Variants in WASF3 observed in about 807,000 individuals in gnomAD.
WASF3 encodes the protein WASP family member 3.
A neutral mutation model predicts 46.6 loss-of-function variants in WASF3; 11 were observed. The observed-to-expected ratio is 0.24, with a 90% CI of 0.15 to 0.39. WASF3 has a LOEUF of 0.39. WASF3 is among the 10% of genes least tolerant of loss of function. The pLI is 1.00. For missense variants in WASF3, 576 were observed against 669.8 expected, an observed-to-expected ratio of 0.86 and a Z score of 1.55; for synonymous variants, 242 against 259.7, an observed-to-expected ratio of 0.93 and a Z score of 0.65.
intron 1 of WASF3, among the ~76,000 whole-genome samples, chr13:26,609,233 A>G (rs1023869293): frequency 1.3e-5 from 2 of 152,186 alleles, no homozygotes; most frequent in Non-Finnish European, 2.9e-5. Context: ...TAAAGGGCGT[A>G]TTACTAGGGA....
intron 2 of WASF3, among the ~76,000 whole-genome samples, chr13:26,614,876 C>T (rs114558397): frequency 0.012 from 1,877 of 151,978 alleles, 35 homozygotes; most frequent in African/African-American, 0.042. Flanking sequence ...GGGGCTTCTG[C>T]TTGCCACGCC....
At chr13:26,637,249 G>T (rs1035282093) in intron 2 of WASF3, among the ~76,000 whole-genome samples, 1 of 152,204 alleles carries the variant, frequency 6.6e-6, no homozygotes. Flanking sequence ...GCATATTCCA[G>T]CTCAGCCAAG....
At chr13:26,568,668 A>G (rs1014190540) in intron 1 of WASF3, among the ~76,000 whole-genome samples, 2 of 152,154 alleles carry the variant, frequency 1.3e-5, no homozygotes, top group East Asian at 1.9e-4. Context: ...GCATTGTGTT[A>G]GAGTGATGTT....
chr13:26,595,405 C>T (rs751855276), intron 1 of WASF3, among the ~76,000 whole-genome samples: 1 of 152,194 alleles, frequency 6.6e-6, no homozygotes, highest in Non-Finnish European at 1.5e-5. Flanking sequence ...TCCATGTACC[C>T]TTGCCCAGCT....
At position 26,679,078 on chromosome 13, in the gene WASF3, TTC is replaced by T. The variant is rs1399635085; in HGVS notation, c.717-1975_717-1974del. 1.3e-5 allele frequency among the ~76,000 whole-genome samples: 2 copies of T among 150,666 alleles called. No homozygotes were observed. The highest frequency in any genetic ancestry group is 3.0e-5 in the Non-Finnish European group (2 of 67,710). ...ATCGTCCCCGGCCCTCCCAGTCCTC[TTC>T]CTCCCGTGTCAGTGTCGCCTCTGGC... On this transcript the variant is annotated intron_variant, in intron 7 of 9. Transcript: ENST00000335327. This position sits in a 1 kb window ranked among gnomAD's most constrained non-coding sequence, Gnocchi z 4.8.
chr13:26,642,492 T>C lies in WASF3; in HGVS notation c.133+89T>C, dbSNP rs117239599. 8.7e-4 allele frequency: 1,246 copies of C among 1,426,934 alleles called. 28 individuals are homozygous for C. In the East Asian group the frequency reaches 0.029, roughly 33 times the overall value. The allele number at this position is 1,426,934 out of a possible 1,614,324, so 88.4% of individuals were successfully genotyped here. A position where few individuals can be genotyped will look rare whatever the true frequency, so the allele number is the denominator to read the frequency against. ...GTTAAATGATTGTCCAAAGAAGAGA[T>C]TGCAGCTTTAAGGAAAAGATCCTTT... is the stretch of plus-strand genomic sequence containing the variant. On this transcript the variant is annotated intron_variant, in intron 3 of 9. Coordinates refer to ENST00000335327, the MANE Select transcript of WASF3 (RefSeq NM_006646.6).
chr13:26,668,089 G>GA (rs142342685), intron 5 of WASF3, among the ~76,000 whole-genome samples: 3 of 151,894 alleles, frequency 2.0e-5, no homozygotes, highest in African/African-American at 4.8e-5. Context: ...ATTTAATTCA[G>GA]AAAAAAATGT....
rs1431592014 is a variant in WASF3 at position 26,586,733 on chromosome 13, G to A, written c.-108-26228G>A. 2.0e-5 allele frequency among the ~76,000 whole-genome samples: 3 copies of A among 152,028 alleles called. No individual in the cohort carries two copies. The South Asian group carries it at 6.2e-4, about 32-fold the overall frequency. On this transcript the variant is annotated intron_variant, in intron 1 of 9. Coordinates refer to ENST00000335327, the MANE Select transcript of WASF3 (RefSeq NM_006646.6). Reference sequence around the variant, plus strand: ...TCTGTATTATAAATCTGGAGACTGGGTTTTAGACCTTATTCTGACATTAAC... The same window carrying A: ...TCTGTATTATAAATCTGGAGACTGGATTTTAGACCTTATTCTGACATTAAC...
intron 1 of WASF3, among the ~76,000 whole-genome samples, chr13:26,602,722 G>C (rs1209136388): frequency 6.6e-6 from 1 of 152,094 alleles, no homozygotes; most frequent in East Asian, 1.9e-4. Flanking sequence ...TAGTATTATA[G>C]AGGTAATTTT....
At chr13:26,633,795 C>A (rs867409840) in intron 2 of WASF3, among the ~76,000 whole-genome samples, 16 of 152,182 alleles carry the variant, frequency 1.1e-4, no homozygotes, top group Non-Finnish European at 1.5e-4. Context: ...CACAGTTGTG[C>A]GGTTTTGAAT....
At position 26,676,617 on chromosome 13, in the gene WASF3, G is replaced by A. The variant is rs1433297356; in HGVS notation, c.609G>A (p.Gln203=). The A allele has an allele frequency of 6.2e-7, 1 of 1,614,186 alleles. No individual in the cohort carries two copies. Among genetic ancestry groups the A allele is most frequent in the South Asian group, 1.1e-5 (1 of 91,080 alleles). Residue 203 remains glutamine (Q), a synonymous_variant, in exon 7 of 10, where the codon CAG becomes CAA. Coordinates refer to ENST00000335327, the MANE Select transcript of WASF3 (RefSeq NM_006646.6). The part of the protein sequence containing the change: ...KKVRKARNRR[Q]EWNMMAYDKE... ...TTAGAAAAGCCAGAAACAGGCGCCAGGAGTGGAATATGATGGCATATGACA... is the reference window on the plus strand; with the variant it reads ...TTAGAAAAGCCAGAAACAGGCGCCAAGAGTGGAATATGATGGCATATGACA...
chr13:26,684,805 A>G (rs933358463), intron 9 of WASF3, among the ~76,000 whole-genome samples: 3 of 152,210 alleles, frequency 2.0e-5, no homozygotes, highest in African/African-American at 4.8e-5. Context: ...ATCCAAGTAT[A>G]TGGGAATGTT....
chr13:26,642,908 A>C (rs1326019420), intron 3 of WASF3, among the ~76,000 whole-genome samples: 1 of 152,306 alleles, frequency 6.6e-6, no homozygotes, highest in East Asian at 1.9e-4. Flanking sequence ...ATTTTAACCT[A>C]CTAAAAGTTA....
intron 9 of WASF3, among the ~76,000 whole-genome samples, chr13:26,685,280 C>T (rs564912222): frequency 6.6e-6 from 1 of 152,228 alleles, no homozygotes; most frequent in Admixed American, 6.5e-5. Flanking sequence ...GATGCTGTTG[C>T]TGCCTAGTAG....
chr13:26,595,947 A>C (rs1219756252), intron 1 of WASF3, among the ~76,000 whole-genome samples: 3 of 152,234 alleles, frequency 2.0e-5, no homozygotes, highest in African/African-American at 7.2e-5. Flanking sequence ...TAAAGCTGCT[A>C]TGGACATTTG....
At chr13:26,656,124 T>G (rs1882458035) in intron 3 of WASF3, among the ~76,000 whole-genome samples, 1 of 152,230 alleles carries the variant, frequency 6.6e-6, no homozygotes, top group South Asian at 2.1e-4. Context: ...CTTGATTGTT[T>G]CCAGTAAATC....
chr13:26,541,791 AC>A, the WASF3 span, among the ~76,000 whole-genome samples: 1 of 151,992 alleles, frequency 6.6e-6, no homozygotes, highest in African/African-American at 2.4e-5. Context: ...CCCAGAGCCC[AC>A]CCATTCTTTC....
chr13:26,636,010 A>G (rs1232483080), intron 2 of WASF3, among the ~76,000 whole-genome samples: 1 of 152,232 alleles, frequency 6.6e-6, no homozygotes, highest in African/African-American at 2.4e-5. Flanking sequence ...TCAGAGCTCA[A>G]ACGCCATGCT....
intron 3 of WASF3, among the ~76,000 whole-genome samples, chr13:26,653,640 C>A (rs1882383043): frequency 6.6e-6 from 1 of 152,190 alleles, no homozygotes; most frequent in Admixed American, 6.5e-5. Context: ...GTTTTTCCTA[C>A]CTCCCAAGCT....
Sources: allele counts gnomAD v4.1 joint callset (sites outside exome capture counted in the v4.1 genomes callset), GRCh38; gene constraint gnomAD v4.1.1; non-coding constraint Gnocchi (gnomAD v3.1); transcripts MANE v1.5; gene names NCBI Gene and HGNC (gene_info 2026-07-23, HGNC 2026-07-21).